The following GRP variants were observed in gnomAD, a reference collection of about 807,000 sequenced individuals.
The protein encoded by GRP is gastrin releasing peptide, also known as gastrin-releasing peptide.
GRP carries 11 observed loss-of-function variants against 12.7 expected under a neutral mutation model. The ratio of observed to expected loss-of-function variants is 0.87; its 90% CI spans 0.55 to 1.44. The LOEUF (loss-of-function observed/expected upper bound fraction) is 1.44. Among genes scored for constraint, GRP ranks in the 40% most tolerant of loss-of-function variants. GRP has a pLI of 0.00. For missense variants in GRP, 212 were observed against 185.4 expected, an observed-to-expected ratio of 1.14 and a Z score of -0.83; for synonymous variants, 84 against 77.7, an observed-to-expected ratio of 1.08 and a Z score of -0.43.
rs772447385 is a variant in GRP, at chr18:59,225,537, C to T, written c.185C>T (p.Ser62Phe). Residue 62 changes from serine (S) to phenylalanine (F), a missense_variant, in exon 2 of 3, where the codon TCT (serine) becomes TTT (phenylalanine). By Grantham distance (155) the Ser-to-Phe change is radical. Transcript: ENST00000256857. ...KKSTGESSSV[S>F]ERGSLKQQLR... Reference sequence around the variant, plus strand: ...AGCACAGGGGAGTCTTCTTCTGTTTCTGAGAGAGGGAGCCTGAAGCAGCAG... The same window carrying T: ...AGCACAGGGGAGTCTTCTTCTGTTTTTGAGAGAGGGAGCCTGAAGCAGCAG... 4 of 1,613,784 alleles carry T rather than the reference C, an allele frequency of 2.5e-6. 1 individual carries two copies. In the East Asian group the frequency reaches 6.7e-5, roughly 27 times the overall value.
At chr18:59,220,108 G>A, upstream of GRP, 2 of 219,004 alleles carry the variant, frequency 9.1e-6, no homozygotes, top group Admixed American at 6.1e-5. Context: ...GAGCCCCCCA[G>A]CCCCCCCGCC....
upstream of GRP, among the ~76,000 whole-genome samples, chr18:59,219,816 G>A (rs1257654868): frequency 6.6e-6 from 1 of 151,932 alleles, no homozygotes; most frequent in African/African-American, 2.4e-5. Flanking sequence ...ATCAGGCAGC[G>A]GGGTCGCCCT....
intron 2 of GRP, among the ~76,000 whole-genome samples, chr18:59,227,044 T>TCTTC (rs1568085023): frequency 1.7e-5 from 2 of 114,428 alleles, no homozygotes; most frequent in East Asian, 2.3e-4. Context: ...TTTCTTTCTT[T>TCTTC]CTTTCTTTCT....
chr18:59,230,565 C>A lies in GRP; in HGVS notation c.*97C>A, dbSNP rs2070018821. 2.6e-6 allele frequency: 2 copies of A among 764,474 alleles called. No homozygotes were observed. The highest frequency in any genetic ancestry group is 2.9e-5 in the South Asian group (2 of 68,598). The allele number at this position is 764,474 out of a possible 1,614,324, so 47.4% of individuals were successfully genotyped here. A position where few individuals can be genotyped will look rare whatever the true frequency, so the allele number is the denominator to read the frequency against. ...GGATCATCAACAAGATTTCCTTGTGCAAAATATTTGACTATTCTGTATCTT... is the reference window on the plus strand; with the variant it reads ...GGATCATCAACAAGATTTCCTTGTGAAAAATATTTGACTATTCTGTATCTT... On this transcript the variant is annotated 3_prime_UTR_variant, in exon 3 of 3. Coordinates refer to ENST00000256857, the MANE Select transcript of GRP (RefSeq NM_002091.5).
intron 2 of GRP, among the ~76,000 whole-genome samples, chr18:59,227,028 T>TCTTTCTTTCTTTCTTC (rs1568084958): frequency 6.9e-6 from 1 of 145,030 alleles, no homozygotes; most frequent in Non-Finnish European, 1.5e-5. Flanking sequence ...TTTCTTTCTT[T>TCTTTCTTTCTTTCTTC]CTTTCTTTCT....
chr18:59,221,854 G>T (rs2069840947), intron 1 of GRP, among the ~76,000 whole-genome samples: 1 of 152,086 alleles, frequency 6.6e-6, no homozygotes, highest in Non-Finnish European at 1.5e-5. Context: ...ATAATCATTT[G>T]CCAAGTCTTG....
intron 1 of GRP, among the ~76,000 whole-genome samples, chr18:59,225,241 G>C (rs530985664): frequency 6.6e-6 from 1 of 152,254 alleles, no homozygotes; most frequent in African/African-American, 2.4e-5. Context: ...AACTAGTTAG[G>C]AGAGGTGCTG....
chr18:59,225,773 C>T, intron 2 of GRP, 39 bp downstream of exon 2: 5 of 1,600,704 alleles, frequency 3.1e-6, no homozygotes, highest in Non-Finnish European at 4.3e-6. Flanking sequence ...TGGGAGGTAT[C>T]TGGGGAGAGG....
chr18:59,220,518 TTTGTTGTGACCTTTCTA>T lies in GRP; in HGVS notation c.139+116_139+132del, dbSNP rs1159306531. 1.6e-5 allele frequency: 15 copies of T among 945,294 alleles called. No individual in the cohort carries two copies. The African/African-American group carries it at 2.2e-4, about 14-fold the overall frequency. 58.6% of individuals were successfully genotyped at this position (945,294 alleles called of 1,614,324 possible). A position where few individuals can be genotyped will look rare whatever the true frequency, so the allele number is the denominator to read the frequency against. On this transcript the variant is annotated intron_variant, in intron 1 of 2. Coordinates refer to ENST00000256857, the MANE Select transcript of GRP (RefSeq NM_002091.5). ...CCCTGGCCCAGCTTTGGGAGCTGGG[TTTGTTGTGACCTTTCTA>T]TCGGCAAACACCTTCCCCGTTCTCC...
upstream of GRP, among the ~76,000 whole-genome samples, chr18:59,219,504 GA>G (rs1277323033): frequency 2.6e-5 from 1 of 37,804 alleles, no homozygotes; most frequent in Non-Finnish European, 5.2e-5. Flanking sequence ...GAGTGGAGAG[GA>G]GGGGAAGGGA....
intron 1 of GRP, among the ~76,000 whole-genome samples, chr18:59,224,818 A>AT (rs1296545915): frequency 3.3e-5 from 5 of 152,206 alleles, no homozygotes; most frequent in Non-Finnish European, 7.4e-5. Flanking sequence ...TTCTGCATTT[A>AT]TGCGGCTGTA....
In GRP at chr18:59,227,060, T is replaced by C. The variant is rs548097751; in HGVS notation, c.382+1326T>C. ...TTCTTTCTTTCTTTCTTTCTTCCTT[T>C]CTTTCTTTTCTTTCCTTTCTCTCTT... On this transcript the variant is annotated intron_variant, in intron 2 of 2. Transcript: ENST00000256857. 1.2e-3 allele frequency among the ~76,000 whole-genome samples: 163 copies of C among 138,740 alleles called. 1 individual carries two copies. Among genetic ancestry groups the C allele is most frequent in the African/African-American group, 4.0e-3 (141 of 35,590 alleles). 91.0% of individuals were successfully genotyped at this position (138,740 alleles called of 152,430 possible). A position where few individuals can be genotyped will look rare whatever the true frequency, so the allele number is the denominator to read the frequency against.
chr18:59,223,971 C>G (rs2069874866), intron 1 of GRP, among the ~76,000 whole-genome samples: 1 of 152,182 alleles, frequency 6.6e-6, no homozygotes, highest in African/African-American at 2.4e-5. Flanking sequence ...ATGCAGTAAA[C>G]CTGATTTTAA....
chr18:59,221,711 T>C (rs1299662268), intron 1 of GRP, among the ~76,000 whole-genome samples: 1 of 152,050 alleles, frequency 6.6e-6, no homozygotes, highest in Non-Finnish European at 1.5e-5. Context: ...CAAATCTTGA[T>C]AGAAGATAAA....
In GRP at chr18:59,230,541, G is replaced by C. The variant is rs547470372; in HGVS notation, c.*73G>C. On this transcript the variant is annotated 3_prime_UTR_variant, in exon 3 of 3. Coordinates refer to ENST00000256857, the MANE Select transcript of GRP (RefSeq NM_002091.5). ...GCGTTCTGCAAGCATCAGTTCTACG[G>C]ATCATCAACAAGATTTCCTTGTGCA... is the stretch of plus-strand genomic sequence containing the variant. 95 of 830,186 alleles carry C rather than the reference G, an allele frequency of 1.1e-4. 3 individuals are homozygous for C. The South Asian group carries it at 1.3e-3, about 11-fold the overall frequency. The allele number at this position is 830,186 out of a possible 1,614,324, so 51.4% of individuals were successfully genotyped here.
At chr18:59,224,179 T>C (rs2069878206) in intron 1 of GRP, among the ~76,000 whole-genome samples, 2 of 152,248 alleles carry the variant, frequency 1.3e-5, no homozygotes, top group Admixed American at 1.3e-4. Flanking sequence ...TAATGTAGTC[T>C]AGATTGTGAA....
At chr18:59,221,902 G>C (rs370351260) in intron 1 of GRP, among the ~76,000 whole-genome samples, 61 of 152,284 alleles carry the variant, frequency 4.0e-4, no homozygotes, top group African/African-American at 1.2e-3. Context: ...ATCGCTGAGG[G>C]ACAGGAGGAA....
chr18:59,224,162 A>T (rs1568083359), intron 1 of GRP, among the ~76,000 whole-genome samples: 2 of 152,216 alleles, frequency 1.3e-5, no homozygotes, highest in South Asian at 4.1e-4. Context: ...ATTGCCAAGC[A>T]GTGTAATAAT....
In GRP at chr18:59,220,326, G is replaced by C. The variant is rs1305130444; in HGVS notation, c.61G>C (p.Gly21Arg). The change falls in exon 1 of 3, where the codon GGG becomes CGG. Residue 21 changes from glycine (G) to arginine (R), a missense_variant. Physicochemically the swap from Gly to Arg is moderately radical, Grantham distance 125. Transcript: ENST00000256857. ...GCTGGTCCTCTGCCTGGCGCCCCGG[G>C]GGCGAGCGGTCCCGCTGCCTGCGGG... ...LALVLCLAPR[G>R]RAVPLPAGGG... is the part of the protein sequence containing the mutation. 6.7e-7 allele frequency: 1 copy of C among 1,498,158 alleles called. No homozygotes were observed. Among genetic ancestry groups the C allele is most frequent in the Non-Finnish European group, 8.9e-7 (1 of 1,127,450 alleles). 92.8% of individuals were successfully genotyped at this position (1,498,158 alleles called of 1,614,324 possible).
Sources: gnomAD v4.1 joint callset for allele counts (sites outside exome capture counted in the v4.1 genomes callset) on GRCh38, gnomAD v4.1.1 for gene constraint, MANE v1.5 for transcripts, NCBI Gene and HGNC (gene_info 2026-07-23, HGNC 2026-07-21) for gene names.